The following PCDH15 variants were observed in gnomAD, a reference collection of about 807,000 sequenced individuals.
PCDH15 encodes the protein protocadherin-15.
In PCDH15, 129 loss-of-function variants were observed where a neutral mutation model predicts 178.5. The observed-to-expected ratio is 0.72, with a 90% CI of 0.63 to 0.84. PCDH15 has a LOEUF of 0.84. Among genes scored for constraint, PCDH15 ranks in the 40% least tolerant of loss-of-function variants. The pLI is 0.00. For synonymous variants in PCDH15, 800 were observed against 732.0 expected (o/e 1.09, Z -1.50); for missense variants, 2,230 against 2,099.9 (o/e 1.06, Z -1.21).
At chr10:54,671,211 G>T (rs1023928234) in intron 1 of PCDH15, among the ~76,000 whole-genome samples, 1 of 152,102 alleles carries the variant, frequency 6.6e-6, no homozygotes, top group Non-Finnish European at 1.5e-5. Flanking sequence ...TTTTAAAAAA[G>T]AAGCTTGAAA....
In PCDH15 at chr10:54,962,525, G is replaced by A. The variant is rs558899559; in HGVS notation, c.-79-65025C>T. 2.0e-5 allele frequency among the ~76,000 whole-genome samples: 3 copies of A among 152,316 alleles called. No individual in the cohort carries two copies. The South Asian group carries it at 6.2e-4, about 32-fold the overall frequency. On this transcript the variant is annotated intron_variant, in intron 2 of 5. Transcript: ENST00000458638. ...TGTGATATATTGTGACACTTTTGGG[G>A]GCTCTGTGGTTCCTGGCATCTTCAA...
chr10:55,352,557 C>T (rs1371039486), intron 2 of PCDH15, among the ~76,000 whole-genome samples: 1 of 152,098 alleles, frequency 6.6e-6, no homozygotes, highest in Admixed American at 6.6e-5. Flanking sequence ...TGCCAAAGAA[C>T]ACAATGCCAA....
At chr10:54,992,948 A>G (rs1359147598) in intron 2 of PCDH15, among the ~76,000 whole-genome samples, 2 of 152,022 alleles carry the variant, frequency 1.3e-5, no homozygotes, top group African/African-American at 4.8e-5. Context: ...TGCTCTTTAT[A>G]GAATTGGTTG....
intron 2 of PCDH15, among the ~76,000 whole-genome samples, chr10:55,608,123 A>G (rs1332556967): frequency 1.3e-5 from 2 of 152,048 alleles, no homozygotes; most frequent in Admixed American, 1.3e-4. Context: ...TGGATTACAC[A>G]TAGAGTACAA....
intron 2 of PCDH15, among the ~76,000 whole-genome samples, chr10:55,520,057 T>TAC (rs1235193287): frequency 1.4e-5 from 2 of 145,750 alleles, no homozygotes; most frequent in Non-Finnish European, 3.0e-5. Context: ...TATATATATA[T>TAC]ACATATATAT....
rs370864854 is a variant in PCDH15, at chr10:54,213,971, T to C, written c.1063A>G (p.Arg355Gly). The change falls in exon 10 of 38, where the codon AGA becomes GGA. Residue 355 changes from arginine (R) to glycine (G), a missense_variant. Arg to Gly is a moderately radical substitution (Grantham distance 125, BLOSUM62 -2). Transcript: ENST00000644397. ...AAATCAAATTTCTGGTGAAAGTCTC[T>C]GTTTACTGGCTCCAGGAGACTAAGT... ...AELSLLEPVN[R>G]DFHQKFDLVI... 1.9e-6 allele frequency: 3 copies of C among 1,610,426 alleles called. No homozygotes were observed. Among genetic ancestry groups the C allele is most frequent in the Non-Finnish European group, 2.5e-6 (3 of 1,176,846 alleles).
chr10:54,917,264 T>A (rs995355184), intron 2 of PCDH15, among the ~76,000 whole-genome samples: 1 of 152,172 alleles, frequency 6.6e-6, no homozygotes, highest in Non-Finnish European at 1.5e-5. Context: ...CAATAGCCTT[T>A]TTGTCAGAAA....
intron 21 of PCDH15, among the ~76,000 whole-genome samples, chr10:53,987,582 C>T: frequency 6.6e-6 from 1 of 152,024 alleles, no homozygotes. Context: ...TGAAAATAAA[C>T]TTACAGAGTT....
In PCDH15 at chr10:53,857,159, A is replaced by G. The variant is rs372608391; in HGVS notation, c.3806+16T>C. On this transcript the variant is annotated intron_variant, in intron 28 of 37. Transcript: ENST00000644397. Reference sequence around the variant, plus strand: ...GTCATATAAAAATAAATATATAAGGAGACAAAATCAATTACTCTGTAAGAT... The same window carrying G: ...GTCATATAAAAATAAATATATAAGGGGACAAAATCAATTACTCTGTAAGAT... The G allele has an allele frequency of 3.3e-6, 5 of 1,516,640 alleles. No individual in the cohort carries two copies. In the South Asian group the frequency reaches 5.7e-5, roughly 17 times the overall value. The allele number at this position is 1,516,640 out of a possible 1,614,324, so 93.9% of individuals were successfully genotyped here. A position where few individuals can be genotyped will look rare whatever the true frequency, so the allele number is the denominator to read the frequency against.
At chr10:55,423,842 A>G (rs900810850) in intron 2 of PCDH15, among the ~76,000 whole-genome samples, 1 of 152,124 alleles carries the variant, frequency 6.6e-6, no homozygotes, top group Non-Finnish European at 1.5e-5. Flanking sequence ...ACATGTCATA[A>G]GGACAAAATT....
chr10:54,451,868 T>A (rs1336472922), intron 3 of PCDH15, among the ~76,000 whole-genome samples: 1 of 151,958 alleles, frequency 6.6e-6, no homozygotes, highest in Non-Finnish European at 1.5e-5. Flanking sequence ...GCAAGTTTAA[T>A]CCATTTAACT....
At chr10:54,741,493 G>A (rs879598941) in intron 1 of PCDH15, among the ~76,000 whole-genome samples, 7 of 151,864 alleles carry the variant, frequency 4.6e-5, no homozygotes, top group African/African-American at 1.4e-4. Flanking sequence ...TGAAGAATGG[G>A]GTGGTAGATT....
intron 32 of PCDH15, among the ~76,000 whole-genome samples, chr10:53,823,999 T>TAAAACCTTATACATAATACCAA (rs1564543393): frequency 2.0e-5 from 3 of 152,254 alleles, no homozygotes; most frequent in Non-Finnish European, 2.9e-5. Flanking sequence ...TAATTAGTTT[T>TAAAACCTTATACATAATACCAA]AAAACCTTAT....
rs150143001 is a variant in PCDH15, at chr10:54,886,964, ATTC to A, written c.-29+10483_-29+10485del. Among the ~76,000 whole-genome samples the A allele has an allele frequency of 1.6e-3, 249 of 152,346 alleles. 4 individuals are homozygous for A. In the East Asian group the frequency reaches 0.045, roughly 27 times the overall value. On this transcript the variant is annotated intron_variant, in intron 3 of 5. Transcript: ENST00000458638. The stretch of plus-strand genomic sequence containing the variant: ...TTGAATAAGGATCTTTTAAATGTCT[ATTC>A]TTTTAAAAATTACAGATGTTCTTTT...
At chr10:55,519,112 A>G (rs1444573439) in intron 2 of PCDH15, among the ~76,000 whole-genome samples, 1 of 150,796 alleles carries the variant, frequency 6.6e-6, no homozygotes, top group East Asian at 2.0e-4. Flanking sequence ...AAAAAAAAAA[A>G]AAAAACAAAC....
intron 2 of PCDH15, among the ~76,000 whole-genome samples, chr10:55,023,876 T>C (rs1181537740): frequency 2.1e-5 from 2 of 95,870 alleles, no homozygotes; most frequent in Non-Finnish European, 4.7e-5. Flanking sequence ...CCTATATATA[T>C]ACATGTATAT....
At chr10:54,163,537 C>T (rs929533924) in intron 13 of PCDH15, among the ~76,000 whole-genome samples, 1 of 152,086 alleles carries the variant, frequency 6.6e-6, no homozygotes, top group African/African-American at 2.4e-5. Flanking sequence ...TTCCACTAGG[C>T]CCCTACTCCA....
chr10:55,211,787 T>C (rs1163710643), intron 1 of PCDH15, among the ~76,000 whole-genome samples: 1 of 152,086 alleles, frequency 6.6e-6, no homozygotes, highest in Admixed American at 6.5e-5. Flanking sequence ...AGTTAACCCA[T>C]AAGGAAAACC....
intron 2 of PCDH15, among the ~76,000 whole-genome samples, chr10:54,932,039 G>A (rs1358503987): frequency 6.6e-6 from 1 of 152,150 alleles, no homozygotes; most frequent in Non-Finnish European, 1.5e-5. Context: ...ATGCTACAGT[G>A]ATTCCATAAG....
Sources: gnomAD v4.1 joint callset for allele counts (sites outside exome capture counted in the v4.1 genomes callset) on GRCh38, gnomAD v4.1.1 for gene constraint, MANE v1.5 for transcripts, NCBI Gene and HGNC (gene_info 2026-07-23, HGNC 2026-07-21) for gene names.